Variants in CDH13 observed in about 807,000 individuals in gnomAD.
The protein encoded by CDH13 is cadherin 13, also known as cadherin-13.
A neutral mutation model predicts 63.8 loss-of-function variants in CDH13; 24 were observed. The observed-to-expected ratio is 0.38, with a 90% CI of 0.27 to 0.53. CDH13 has a LOEUF of 0.53. Ranked by LOEUF, CDH13 falls within the 20% of genes least tolerant of loss-of-function variation. The pLI is 0.85. For missense variants in CDH13, 1,049 were observed against 903.1 expected (o/e 1.16, Z -2.07); for synonymous variants, 503 against 355.3 (o/e 1.42, Z -4.67).
At chr16:83,074,408 C>T (rs2032672240) in intron 3 of CDH13, among the ~76,000 whole-genome samples, 1 of 152,162 alleles carries the variant, frequency 6.6e-6, no homozygotes. Context: ...CTGATGGGCA[C>T]AAGGTCCGTT....
At chr16:82,761,927 C>A (rs546812155) in intron 1 of CDH13, among the ~76,000 whole-genome samples, 42 of 152,232 alleles carry the variant, frequency 2.8e-4, no homozygotes, top group Non-Finnish European at 5.1e-4. Flanking sequence ...AAAATGGTTT[C>A]TGTTTACACT....
At chr16:83,168,090 A>G (rs537571592) in intron 4 of CDH13, among the ~76,000 whole-genome samples, 53 of 151,922 alleles carry the variant, frequency 3.5e-4, no homozygotes, top group African/African-American at 1.2e-3. Flanking sequence ...AAAAACTACT[A>G]GATGCTGTGC....
At chr16:83,744,100 C>T (rs3784983) in intron 10 of CDH13, among the ~76,000 whole-genome samples, 33,929 of 152,008 alleles carry the variant, frequency 0.22, 4,165 homozygotes, top group East Asian at 0.55. Flanking sequence ...TGTAGTGATG[C>T]TCTTAAAGGG....
chr16:83,303,117 G>A (rs1333556626), intron 5 of CDH13, among the ~76,000 whole-genome samples: 1 of 152,208 alleles, frequency 6.6e-6, no homozygotes, highest in Admixed American at 6.5e-5. Context: ...TCTTTGGGAG[G>A]AGAAGGAAGG....
chr16:83,016,746 C>T (rs1245008860), intron 2 of CDH13, among the ~76,000 whole-genome samples: 2 of 152,000 alleles, frequency 1.3e-5, no homozygotes, highest in Non-Finnish European at 2.9e-5. Context: ...AGCACAAGGC[C>T]ATCTCTGCTT....
intron 1 of CDH13, among the ~76,000 whole-genome samples, chr16:82,844,279 C>T (rs1419092850): frequency 6.6e-6 from 1 of 152,088 alleles, no homozygotes; most frequent in Non-Finnish European, 1.5e-5. Flanking sequence ...ATGTAGATGA[C>T]CTAGCTGGAG....
intron 1 of CDH13, among the ~76,000 whole-genome samples, chr16:82,764,894 A>G (rs909006138): frequency 6.6e-6 from 1 of 151,540 alleles, no homozygotes; most frequent in Non-Finnish European, 1.5e-5. Context: ...GGCTCACTGA[A>G]ACCTCTGCCT....
intron 5 of CDH13, among the ~76,000 whole-genome samples, chr16:83,270,848 C>A (rs1028369106): frequency 6.6e-6 from 1 of 151,642 alleles, no homozygotes; most frequent in South Asian, 2.1e-4. Context: ...CTTCTCTTTT[C>A]TCCTTCCTCA....
chr16:83,273,072 G>C (rs2088874630), intron 5 of CDH13, among the ~76,000 whole-genome samples: 1 of 152,100 alleles, frequency 6.6e-6, no homozygotes, highest in Non-Finnish European at 1.5e-5. Flanking sequence ...TTGTTGTGGG[G>C]GGAAGCACCA....
chr16:82,927,666 C>G (rs540996089), intron 2 of CDH13, among the ~76,000 whole-genome samples: 1 of 152,278 alleles, frequency 6.6e-6, no homozygotes, highest in African/African-American at 2.4e-5. Context: ...CCATGTTTCC[C>G]CATCATATTC....
chr16:83,238,043 C>G (rs1567529892), intron 5 of CDH13, among the ~76,000 whole-genome samples: 1 of 152,142 alleles, frequency 6.6e-6, no homozygotes, highest in Non-Finnish European at 1.5e-5. Context: ...CTGGGTTTCC[C>G]TTGGAATCCT....
At chr16:83,279,507 A>G (rs541319173) in intron 5 of CDH13, among the ~76,000 whole-genome samples, 11 of 152,226 alleles carry the variant, frequency 7.2e-5, no homozygotes, top group Non-Finnish European at 7.3e-5. Context: ...TATCTGCCGC[A>G]TTCTGGAAAC....
intron 1 of CDH13, among the ~76,000 whole-genome samples, chr16:82,713,321 A>T (rs573998649): frequency 2.0e-5 from 3 of 152,048 alleles, no homozygotes; most frequent in Non-Finnish European, 2.9e-5. Context: ...GTATCTAAGA[A>T]CCACTGCGCT....
At chr16:83,322,408 C>T (rs570895932) in intron 5 of CDH13, among the ~76,000 whole-genome samples, 59 of 152,300 alleles carry the variant, frequency 3.9e-4, no homozygotes, top group Non-Finnish European at 7.1e-4. Context: ...AAAACTAAAA[C>T]GAAAAGTTCT....
intron 6 of CDH13, chr16:83,396,831 GT>G (rs982555464): frequency 6.6e-6 from 1 of 152,138 alleles, no homozygotes; most frequent in African/African-American, 2.4e-5. Flanking sequence ...CACAAAACAT[GT>G]GTTACCAGAC....
At chr16:83,131,173 G>T (rs1010538525) in intron 4 of CDH13, among the ~76,000 whole-genome samples, 3 of 144,300 alleles carry the variant, frequency 2.1e-5, no homozygotes, top group East Asian at 2.1e-4. Context: ...GAGTATAAGG[G>T]GGTGTATGAC....
intron 11 of CDH13, among the ~76,000 whole-genome samples, chr16:83,751,859 G>T (rs1913112236): frequency 6.6e-6 from 1 of 152,220 alleles, no homozygotes; most frequent in African/African-American, 2.4e-5. Context: ...CAGAGGACTG[G>T]TCCTTCTTGT....
intron 6 of CDH13, among the ~76,000 whole-genome samples, chr16:83,443,705 G>GAAA (rs1167862979): frequency 9.3e-6 from 1 of 107,120 alleles, no homozygotes; most frequent in African/African-American, 4.2e-5. Flanking sequence ...AAGTCCCTAC[G>GAAA]AAAAAAAAAA....
At position 83,707,836 on chromosome 16, in the gene CDH13, C is replaced by CA. The variant is rs61067563; in HGVS notation, c.1538+29397dup. 7.4e-3 allele frequency among the ~76,000 whole-genome samples: 581 copies of CA among 78,782 alleles called. 26 individuals carry two copies. Among genetic ancestry groups the CA allele is most frequent in the African/African-American group, 0.018 (369 of 19,956 alleles). 51.7% of individuals were successfully genotyped at this position (78,782 alleles called of 152,430 possible). On this transcript the variant is annotated intron_variant, in intron 10 of 13. Transcript: ENST00000567109. ...CATCTTTGGTGAGAGACCCTAAAGG[C>CA]AAAAAAAAAAAAAAAAAAAAAAGAG...
Sources: gnomAD v4.1 joint callset for allele counts (sites outside exome capture counted in the v4.1 genomes callset) on GRCh38, gnomAD v4.1.1 for gene constraint, MANE v1.5 for transcripts, NCBI Gene and HGNC (gene_info 2026-07-23, HGNC 2026-07-21) for gene names.